The following SH3BP4 variants were observed in gnomAD, a reference collection of about 807,000 sequenced individuals.
SH3BP4 encodes SH3 domain-binding protein 4.
SH3BP4 carries 33 observed loss-of-function variants against 65.5 expected under a neutral mutation model. That is an observed-to-expected ratio of 0.50 (90% CI 0.38 to 0.67). SH3BP4 has a LOEUF of 0.67. Ranked by LOEUF, SH3BP4 falls within the 30% of genes least tolerant of loss-of-function variation. SH3BP4 has a pLI of 0.00. For synonymous variants in SH3BP4, 552 were observed against 545.5 expected (o/e 1.01, Z -0.17); for missense variants, 1,134 against 1,261.4 (o/e 0.90, Z 1.53).
rs111374385 is a variant in SH3BP4, at chr2:235,035,083, C to T, written c.81C>T (p.Ser27=). 1.9e-5 allele frequency: 30 copies of T among 1,613,866 alleles called. No individual in the cohort carries two copies. Among genetic ancestry groups the T allele is most frequent in the African/African-American group, 9.3e-5 (7 of 74,894 alleles). ...CKSEGTLIDL[S]EGFSETSFND... ...CAGAGGGGACCCTGATTGACCTGAG[C>T]GAAGGGTTTTCAGAGACGAGCTTTA... The change falls in exon 3 of 6, where the codon AGC becomes AGT. Residue 27 remains serine (S), a synonymous_variant. Transcript: ENST00000392011. This position sits in a 1 kb window ranked among gnomAD's most constrained non-coding sequence, Gnocchi z 5.0.
chr2:235,022,695 G>A (rs890080200), intron 2 of SH3BP4, among the ~76,000 whole-genome samples: 2 of 152,138 alleles, frequency 1.3e-5, no homozygotes, highest in African/African-American at 2.4e-5. Context: ...GACACCCGCC[G>A]CTGTTGAGAG....
At chr2:234,984,632 G>GC (rs1693490921) in intron 1 of SH3BP4, among the ~76,000 whole-genome samples, 1 of 152,132 alleles carries the variant, frequency 6.6e-6, no homozygotes, top group Non-Finnish European at 1.5e-5. Flanking sequence ...ATCCGTAACA[G>GC]CCCACTGGCT....
Position 235,041,292 on chromosome 2 carries a change from G to T in SH3BP4, c.523G>T (p.Val175Leu). 2 of 1,614,168 alleles carry T rather than the reference G, an allele frequency of 1.2e-6. No homozygotes were observed. Among genetic ancestry groups the T allele is most frequent in the African/African-American group, 2.7e-5 (2 of 75,048 alleles). ...VQTNPFLNGN[V>L]PVMPSLDELN... ...GACCAATCCATTTCTGAATGGGAAC[G>T]TGCCCGTCATGCCCAGCCTGGATGA... The change falls in exon 4 of 6, where the codon GTG becomes TTG. Residue 175 changes from valine (V) to leucine (L), a missense_variant. Coordinates refer to ENST00000392011, the MANE Select transcript of SH3BP4 (RefSeq NM_014521.3). The surrounding 1 kb of genome is among the most constrained non-coding windows in gnomAD (Gnocchi z 6.0).
chr2:234,975,559 C>T (rs1440577642), intron 1 of SH3BP4, among the ~76,000 whole-genome samples: 2 of 152,210 alleles, frequency 1.3e-5, no homozygotes, highest in Non-Finnish European at 2.9e-5. Flanking sequence ...TTCGCTCAAG[C>T]TTTGAGGGTC....
chr2:235,036,942 G>A (rs943490153), intron 3 of SH3BP4, among the ~76,000 whole-genome samples: 6 of 151,842 alleles, frequency 4.0e-5, no homozygotes, highest in Non-Finnish European at 7.4e-5. Flanking sequence ...GAGATTCTGG[G>A]GAATCTACCT....
rs564313897 is a variant in SH3BP4 at position 234,984,472 on chromosome 2, G to A, written c.-206-10831G>A. ...AATCCCCCTGCTTTGGCTGTCCAAG[G>A]TGTAGAAATTACAGGCATGAGCCAC... On this transcript the variant is annotated intron_variant, in intron 1 of 5. Coordinates refer to ENST00000392011, the MANE Select transcript of SH3BP4 (RefSeq NM_014521.3). Among the ~76,000 whole-genome samples the A allele has an allele frequency of 3.9e-5, 6 of 152,220 alleles. No individual in the cohort carries two copies. In the South Asian group the frequency reaches 1.2e-3, roughly 32 times the overall value.
At position 235,041,159 on chromosome 2, in the gene SH3BP4, C is replaced by T. The variant is rs756635736; in HGVS notation, c.390C>T (p.Asp130=). Residue 130 remains aspartate (D), a synonymous_variant, in exon 4 of 6, where the codon GAC becomes GAT. Transcript: ENST00000392011. This position sits in a 1 kb window ranked among gnomAD's most constrained non-coding sequence, Gnocchi z 6.0. ...GCGGTATGATTGATAATCTTCCAGA[C>T]AGCCCAGACGAGGTAGCCAAGGAGC... The part of the protein sequence containing the change: ...SDSGMIDNLP[D]SPDEVAKELE... 1.1e-5 allele frequency: 17 copies of T among 1,614,070 alleles called. No individual in the cohort carries two copies. The highest frequency in any genetic ancestry group is 3.3e-5 in the South Asian group (3 of 91,088).
chr2:235,003,460 A>G lies in SH3BP4; in HGVS notation c.-133+8084A>G, dbSNP rs566039583. Among the ~76,000 whole-genome samples, 719 of 152,384 alleles carry G rather than the reference A, an allele frequency of 4.7e-3. 5 individuals are homozygous for G. The highest frequency in any genetic ancestry group is 0.017 in the African/African-American group (690 of 41,600). On this transcript the variant is annotated intron_variant, in intron 2 of 5. Coordinates refer to ENST00000392011, the MANE Select transcript of SH3BP4 (RefSeq NM_014521.3). ...GGGGCATGAGAGCAGAATGAGGGTC[A>G]TTCGAAGGATAGAGTGTCTGTTTAC...
In SH3BP4 at chr2:235,041,406, A is replaced by G; in HGVS notation, c.637A>G (p.Thr213Ala). The change falls in exon 4 of 6, where the codon ACT becomes GCT. Residue 213 changes from threonine (T) to alanine (A), a missense_variant. Coordinates refer to ENST00000392011, the MANE Select transcript of SH3BP4 (RefSeq NM_014521.3). This position sits in a 1 kb window ranked among gnomAD's most constrained non-coding sequence, Gnocchi z 6.0. ...TESSSATTNS[T>A]GNIFDELPVT... The stretch of plus-strand genomic sequence containing the variant: ...ATCCAGCTCAGCCACCACGAATAGC[A>G]CTGGCAACATCTTCGATGAGCTTCC... The G allele has an allele frequency of 6.2e-7, 1 of 1,614,150 alleles. No individual in the cohort carries two copies. Among genetic ancestry groups the G allele is most frequent in the Non-Finnish European group, 8.5e-7 (1 of 1,180,028 alleles).
chr2:235,014,670 C>T (rs912597187), intron 2 of SH3BP4, among the ~76,000 whole-genome samples: 11 of 152,116 alleles, frequency 7.2e-5, no homozygotes, highest in African/African-American at 2.2e-4. Flanking sequence ...TCTTGGCTTG[C>T]GGTTGGTCAC....
Position 235,046,209 on chromosome 2 carries a change from A to C in SH3BP4, c.2478+2962A>C, listed in dbSNP as rs951631248. Among the ~76,000 whole-genome samples the C allele has an allele frequency of 9.2e-5, 14 of 152,008 alleles. No homozygotes were observed. Among genetic ancestry groups the C allele is most frequent in the African/African-American group, 3.4e-4 (14 of 41,384 alleles). On this transcript the variant is annotated intron_variant, in intron 4 of 5. Transcript: ENST00000392011. This position sits in a 1 kb window ranked among gnomAD's most constrained non-coding sequence, Gnocchi z 4.2. ...CCAGCTCAAATGCCGTCTCTCCAGGACGTCCTTCTCTGCAGCCCCGCGCAC... is the reference window on the plus strand; with the variant it reads ...CCAGCTCAAATGCCGTCTCTCCAGGCCGTCCTTCTCTGCAGCCCCGCGCAC...
At chr2:234,959,770 GC>G (rs1395127324) in intron 1 of SH3BP4, among the ~76,000 whole-genome samples, 1 of 151,282 alleles carries the variant, frequency 6.6e-6, no homozygotes, top group African/African-American at 2.4e-5. Flanking sequence ...TCCTGCCTCA[GC>G]CCCCCAAGTA....
intron 1 of SH3BP4, among the ~76,000 whole-genome samples, chr2:234,962,309 G>A (rs1303263505): frequency 6.6e-6 from 1 of 151,894 alleles, no homozygotes; most frequent in African/African-American, 2.4e-5. Flanking sequence ...GGTAATTTTT[G>A]TATTTGTAGT....
rs1194662338 is a variant in SH3BP4, at chr2:235,038,300, T to A, written c.119-2588T>A. Among the ~76,000 whole-genome samples the A allele has an allele frequency of 3.7e-4, 4 of 10,922 alleles. No individual in the cohort carries two copies. The African/African-American group carries it at 4.8e-3, about 13-fold the overall frequency. 7.2% of individuals were successfully genotyped at this position (10,922 alleles called of 152,430 possible). ...TATATATTATATATAATATATATAT[T>A]ATATATATATATTATATATTATATA... On this transcript the variant is annotated intron_variant, in intron 3 of 5. Coordinates refer to ENST00000392011, the MANE Select transcript of SH3BP4 (RefSeq NM_014521.3).
rs905280515 is a variant in SH3BP4 at position 234,976,235 on chromosome 2, C to G, written c.-206-19068C>G. 6.6e-6 allele frequency among the ~76,000 whole-genome samples: 1 copy of G among 152,232 alleles called. No homozygotes were observed. Among genetic ancestry groups the G allele is most frequent in the African/African-American group, 2.4e-5 (1 of 41,468 alleles). The stretch of plus-strand genomic sequence containing the variant: ...CCGGGTTACCCCAGCAGCAGCCCAC[C>G]TGGCCAGGTTTGAAGGGCTTGGGCA... On this transcript the variant is annotated intron_variant, in intron 1 of 5. Transcript: ENST00000392011. This position sits in a 1 kb window ranked among gnomAD's most constrained non-coding sequence, Gnocchi z 4.7.
intron 1 of SH3BP4, among the ~76,000 whole-genome samples, chr2:234,970,299 C>T (rs1023111322): frequency 1.3e-5 from 2 of 152,282 alleles, no homozygotes; most frequent in East Asian, 1.9e-4. Context: ...TAAACCTTGG[C>T]GGGACTTCTC....
At chr2:234,961,491 C>T (rs572141944) in intron 1 of SH3BP4, among the ~76,000 whole-genome samples, 5 of 152,102 alleles carry the variant, frequency 3.3e-5, no homozygotes, top group Admixed American at 6.5e-5. Context: ...AGGCTGGTCT[C>T]GAACTCCCGA....
rs969153429 is a variant in SH3BP4 at position 235,026,479 on chromosome 2, C to T, written c.-132-8392C>T. ...GTGTCTGGCACAGAGAACCTTAGCG[C>T]TCCTTCCCCTCCAGGTCTTCCATTC... On this transcript the variant is annotated intron_variant, in intron 2 of 5. Transcript: ENST00000392011. This position sits in a 1 kb window ranked among gnomAD's most constrained non-coding sequence, Gnocchi z 4.6. Among the ~76,000 whole-genome samples the T allele has an allele frequency of 1.3e-5, 2 of 152,174 alleles. No individual in the cohort carries two copies. Among genetic ancestry groups the T allele is most frequent in the Non-Finnish European group, 2.9e-5 (2 of 68,040 alleles).
At chr2:234,985,523 A>G (rs778000660) in intron 1 of SH3BP4, among the ~76,000 whole-genome samples, 1 of 152,126 alleles carries the variant, frequency 6.6e-6, no homozygotes, top group African/African-American at 2.4e-5. Context: ...CCCAATGCAC[A>G]CAGTCGTTTT....
Sources: gnomAD v4.1 joint callset for allele counts (sites outside exome capture counted in the v4.1 genomes callset) on GRCh38, gnomAD v4.1.1 for gene constraint, Gnocchi (gnomAD v3.1) non-coding constraint, MANE v1.5 for transcripts, NCBI Gene and HGNC (gene_info 2026-07-23, HGNC 2026-07-21) for gene names.